RAB30: variants seen among roughly 807,000 people sequenced by gnomAD.
RAB30 encodes the protein RAB30, member RAS oncogene family, also known as ras-related protein Rab-30.
Under a neutral mutation model 25.1 loss-of-function variants are expected in RAB30, and 9 were observed. The observed-to-expected ratio is 0.36, with a 90% confidence interval of 0.22 to 0.63. The LOEUF is 0.63. Ranked by LOEUF, RAB30 falls within the 20% of genes least tolerant of loss-of-function variation. The probability of loss-of-function intolerance (pLI) is 0.69; values close to 1 mark genes in which losing one functional copy is unlikely to be tolerated. For synonymous variants in RAB30, 77 were observed against 86.4 expected (o/e 0.89, Z 0.60); for missense variants, 140 against 243.5 (o/e 0.58, Z 2.83).
chr11:83,013,173 T>A (rs769813747), intron 1 of RAB30, among the ~76,000 whole-genome samples: 1 of 152,166 alleles, frequency 6.6e-6, no homozygotes, highest in Non-Finnish European at 1.5e-5. Context: ...AACCTCCGCC[T>A]CCTGGGTTCA....
At chr11:83,016,164 A>C (rs1277385922) in intron 1 of RAB30, among the ~76,000 whole-genome samples, 1 of 152,066 alleles carries the variant, frequency 6.6e-6, no homozygotes, top group African/African-American at 2.4e-5. Context: ...AACAAACAAA[A>C]AAACAACGAA....
chr11:83,011,356 A>G (rs1857299283), intron 1 of RAB30, among the ~76,000 whole-genome samples: 1 of 152,230 alleles, frequency 6.6e-6, no homozygotes, highest in African/African-American at 2.4e-5. Flanking sequence ...GAGAAACCAG[A>G]GAACTTAATA....
In RAB30 at chr11:82,998,711, G is replaced by T. The variant is rs556999143; in HGVS notation, c.-8-1387C>A. On this transcript the variant is annotated intron_variant, in intron 1 of 4. Coordinates refer to ENST00000527633, the MANE Select transcript of RAB30 (RefSeq NM_001286060.2). ...ACCAACATGAGAAAAGTTAAATAAT[G>T]AAAAAAAAAAAAAGCTAAATAACAA... is the stretch of plus-strand genomic sequence containing the variant. Among the ~76,000 whole-genome samples the T allele has an allele frequency of 2.9e-5, 4 of 138,194 alleles. No homozygotes were observed. The South Asian group carries it at 9.3e-4, about 32-fold the overall frequency. The allele number at this position is 138,194 out of a possible 152,430, so 90.7% of individuals were successfully genotyped here. A position where few individuals can be genotyped will look rare whatever the true frequency, so the allele number is the denominator to read the frequency against.
chr11:83,028,759 T>C (rs909521466), intron 1 of RAB30, among the ~76,000 whole-genome samples: 1 of 152,216 alleles, frequency 6.6e-6, no homozygotes, highest in African/African-American at 2.4e-5. Context: ...CAGAAATTCA[T>C]ATTCCATGCA....
intron 1 of RAB30, among the ~76,000 whole-genome samples, chr11:83,008,480 AC>A (rs2121487413): frequency 6.6e-6 from 1 of 152,338 alleles, no homozygotes; most frequent in South Asian, 2.1e-4. Context: ...CTTTACACAC[AC>A]CAGGCCATTA....
intron 1 of RAB30, among the ~76,000 whole-genome samples, chr11:83,001,340 T>A (rs1237007338): frequency 1.3e-5 from 2 of 152,170 alleles, no homozygotes; most frequent in Non-Finnish European, 2.9e-5. Flanking sequence ...TGTGCCCAGC[T>A]AATTTTTTAA....
intron 1 of RAB30, among the ~76,000 whole-genome samples, chr11:83,020,227 G>C (rs1325038872): frequency 6.6e-6 from 1 of 152,236 alleles, no homozygotes. Flanking sequence ...ACTCTTGGGG[G>C]TCCAGGAAGG....
At chr11:83,046,835 TA>T (rs1858244526) in intron 1 of RAB30, among the ~76,000 whole-genome samples, 1 of 152,134 alleles carries the variant, frequency 6.6e-6, no homozygotes, top group South Asian at 2.1e-4. Context: ...CAAAGAACAA[TA>T]TGCATCAGAG....
At chr11:83,006,381 G>A (rs891902622) in intron 1 of RAB30, among the ~76,000 whole-genome samples, 1 of 152,182 alleles carries the variant, frequency 6.6e-6, no homozygotes, top group East Asian at 1.9e-4. Flanking sequence ...CACACAGCCT[G>A]CTATGGATAT....
At chr11:82,998,986 G>A (rs184617057) in intron 1 of RAB30, among the ~76,000 whole-genome samples, 1 of 152,274 alleles carries the variant, frequency 6.6e-6, no homozygotes, top group East Asian at 1.9e-4. Flanking sequence ...TTCCCTATGT[G>A]CAAAGATGAT....
intron 2 of RAB30, 33 bp from the exon 3 acceptor site, chr11:82,994,155 G>T (rs936905386): frequency 5.9e-6 from 9 of 1,535,860 alleles, no homozygotes; most frequent in Non-Finnish European, 8.1e-6. Flanking sequence ...GAACAGCTAA[G>T]CAAATATTTC....
In RAB30 at chr11:82,976,511, C is replaced by T. The variant is rs2121418023; in HGVS notation, c.*5654G>A. 6.6e-6 allele frequency: 1 copy of T among 152,266 alleles called. No homozygotes were observed. Among genetic ancestry groups the T allele is most frequent in the East Asian group, 1.9e-4 (1 of 5,178 alleles). 9.4% of individuals were successfully genotyped at this position (152,266 alleles called of 1,614,324 possible). On this transcript the variant is annotated 3_prime_UTR_variant, in exon 5 of 5. Coordinates refer to ENST00000527633, the MANE Select transcript of RAB30 (RefSeq NM_001286060.2). ...TCCAAAGTGTCAAAGTCAGCAACCA[C>T]CACCGATTCCGTCAGGAACTAGAAC...
chr11:83,046,500 T>C (rs1450282436), intron 1 of RAB30, among the ~76,000 whole-genome samples: 1 of 152,032 alleles, frequency 6.6e-6, no homozygotes, highest in Non-Finnish European at 1.5e-5. Context: ...ATTTTTACTT[T>C]TTTTTTTTTA....
At chr11:83,055,856 C>G (rs1043758149) in intron 1 of RAB30, among the ~76,000 whole-genome samples, 1 of 152,184 alleles carries the variant, frequency 6.6e-6, no homozygotes, top group Admixed American at 6.5e-5. Flanking sequence ...AGTAGAAAAG[C>G]AGAGAGTATC....
At chr11:83,070,388 T>C (rs1858807252) in intron 1 of RAB30, among the ~76,000 whole-genome samples, 1 of 152,218 alleles carries the variant, frequency 6.6e-6, no homozygotes, top group Non-Finnish European at 1.5e-5. Context: ...AGGATCTGAA[T>C]TTAAAATGAA....
intron 2 of RAB30, among the ~76,000 whole-genome samples, chr11:82,996,645 T>G (rs1856964454): frequency 6.6e-6 from 1 of 152,198 alleles, no homozygotes; most frequent in Non-Finnish European, 1.5e-5. Flanking sequence ...TTAGATCATA[T>G]GATAAGAATT....
chr11:83,012,384 G>A (rs1238719682), intron 1 of RAB30, among the ~76,000 whole-genome samples: 1 of 152,160 alleles, frequency 6.6e-6, no homozygotes, highest in Non-Finnish European at 1.5e-5. Flanking sequence ...CCCCCACAAA[G>A]TTGTCTGTAA....
rs556322779 is a variant in RAB30, at chr11:82,986,615, A to C, written c.361+972T>G. Among the ~76,000 whole-genome samples the C allele has an allele frequency of 2.0e-5, 3 of 152,352 alleles. No homozygotes were observed. In the South Asian group the frequency reaches 6.2e-4, roughly 32 times the overall value. ...GCTTCATCCAGCAGCCTGAAGGAAA[A>C]GTCCAGCAATTTGTTACAACGTAAC... On this transcript the variant is annotated intron_variant, in intron 4 of 4. Transcript: ENST00000527633.
chr11:83,053,774 T>C (rs147027374), intron 1 of RAB30, among the ~76,000 whole-genome samples: 71 of 152,240 alleles, frequency 4.7e-4, no homozygotes, highest in African/African-American at 1.6e-3. Flanking sequence ...AAATAAAAAG[T>C]TTGCCAAAGT....
Sources: allele counts gnomAD v4.1 joint callset (sites outside exome capture counted in the v4.1 genomes callset), GRCh38; gene constraint gnomAD v4.1.1; transcripts MANE v1.5; gene names NCBI Gene and HGNC (gene_info 2026-07-23, HGNC 2026-07-21).